Variants in STIM2 observed in about 807,000 individuals in gnomAD.
The protein encoded by STIM2 is stromal interaction molecule 2.
STIM2 carries 31 observed loss-of-function variants against 85.8 expected under a neutral mutation model. The ratio of observed to expected loss-of-function variants is 0.36; its 90% CI spans 0.27 to 0.49. The LOEUF is 0.49. Among genes scored for constraint, STIM2 ranks in the 20% least tolerant of loss-of-function variants. The pLI is 0.98. For missense variants in STIM2, 841 were observed against 927.6 expected (o/e 0.91, Z 1.21); for synonymous variants, 356 against 331.1 (o/e 1.08, Z -0.82).
intron 2 of STIM2, among the ~76,000 whole-genome samples, chr4:26,953,595 A>C (rs1726133542): frequency 6.6e-6 from 1 of 152,086 alleles, no homozygotes; most frequent in Admixed American, 6.6e-5. Context: ...TAAAAATAGA[A>C]GGGGAAACAG....
intron 3 of STIM2, among the ~76,000 whole-genome samples, chr4:26,980,415 C>A (rs1338086254): frequency 6.6e-6 from 1 of 151,452 alleles, no homozygotes; most frequent in Non-Finnish European, 1.5e-5. Flanking sequence ...CACTGTTAGA[C>A]CAGAGTAAGT....
chr4:27,011,867 T>C (rs1728569062), intron 10 of STIM2, among the ~76,000 whole-genome samples: 1 of 152,186 alleles, frequency 6.6e-6, no homozygotes, highest in Non-Finnish European at 1.5e-5. Context: ...AAACTTTGGC[T>C]TTTTGAATGG....
Position 26,860,937 on chromosome 4 carries a change from T to G in STIM2, c.-282T>G. 2 of 1,169,912 alleles carry G rather than the reference T, an allele frequency of 1.7e-6. No individual in the cohort carries two copies. Among genetic ancestry groups the G allele is most frequent in the South Asian group, 3.3e-5 (2 of 60,508 alleles). 72.5% of individuals were successfully genotyped at this position (1,169,912 alleles called of 1,614,324 possible). On this transcript the variant is annotated 5_prime_UTR_variant, in exon 1 of 12. Coordinates refer to ENST00000467087, the MANE Select transcript of STIM2 (RefSeq NM_020860.4). ...TCTACCCCCCACCTTTTTTTTTTTT[T>G]TTTTTAAATAACCGGAACCAATGAA...
chr4:26,920,876 A>G (rs890250578), intron 2 of STIM2, among the ~76,000 whole-genome samples: 1 of 152,120 alleles, frequency 6.6e-6, no homozygotes, highest in African/African-American at 2.4e-5. Flanking sequence ...GCACCTCTGG[A>G]CCTATTTCTC....
chr4:26,886,694 A>G lies in STIM2; in HGVS notation c.151+25325A>G, dbSNP rs553285030. ...ATAGATCAGAGAGGTTGTCTGGGCT[A>G]GAATGTACAGTCTTGTAGACATCAT... On this transcript the variant is annotated intron_variant, in intron 1 of 11. Transcript: ENST00000467087. Among the ~76,000 whole-genome samples, 4 of 152,282 alleles carry G rather than the reference A, an allele frequency of 2.6e-5. No individual in the cohort carries two copies. In the East Asian group the frequency reaches 7.7e-4, roughly 29 times the overall value.
chr4:26,862,437 A>G (rs1722252997), intron 1 of STIM2, among the ~76,000 whole-genome samples: 1 of 152,182 alleles, frequency 6.6e-6, no homozygotes, highest in Non-Finnish European at 1.5e-5. Context: ...TAATTTAACC[A>G]AAATGATAGT....
Position 26,919,560 on chromosome 4 carries a change from G to A in STIM2, c.208G>A (p.Glu70Lys), listed in dbSNP as rs1724722123. Residue 70 changes from glutamate to lysine, a missense_variant, in exon 2 of 12, where the codon GAA becomes AAA. Glu to Lys is a moderately conservative substitution (Grantham distance 56). Coordinates refer to ENST00000467087, the MANE Select transcript of STIM2 (RefSeq NM_020860.4). ...TACAGAAGAAGACAGATTTAGTCTGGAAGCTCTTCAAACAATACATAAACA... is the reference window on the plus strand; with the variant it reads ...TACAGAAGAAGACAGATTTAGTCTGAAAGCTCTTCAAACAATACATAAACA... The A allele has an allele frequency of 6.2e-6, 10 of 1,613,544 alleles. No individual in the cohort carries two copies. Among genetic ancestry groups the A allele is most frequent in the Non-Finnish European group, 8.5e-6 (10 of 1,179,752 alleles).
intron 1 of STIM2, among the ~76,000 whole-genome samples, chr4:26,905,395 AAG>A (rs1181932497): frequency 1.3e-5 from 2 of 152,200 alleles, no homozygotes; most frequent in Non-Finnish European, 2.9e-5. Flanking sequence ...GAAAGGAAGC[AAG>A]AGAGGACATC....
intron 11 of STIM2, chr4:27,019,520 C>T (rs1378301295): frequency 2.4e-6 from 3 of 1,271,916 alleles, no homozygotes; most frequent in Non-Finnish European, 3.1e-6. Flanking sequence ...ATTGATGGAA[C>T]GTTCAGTTCT....
At chr4:26,989,338 A>G (rs1727684305) in intron 3 of STIM2, among the ~76,000 whole-genome samples, 1 of 152,252 alleles carries the variant, frequency 6.6e-6, no homozygotes, top group Admixed American at 6.5e-5. Flanking sequence ...GCTACCTCAC[A>G]TCAATAGAAT....
At chr4:26,971,462 A>G (rs749258244) in intron 3 of STIM2, among the ~76,000 whole-genome samples, 17 of 152,122 alleles carry the variant, frequency 1.1e-4, no homozygotes, top group East Asian at 1.9e-4. Context: ...TTCTACATAT[A>G]GCTAGCCAGT....
Position 27,008,674 on chromosome 4 carries a change from T to C in STIM2, c.1251-90T>C. 3 of 1,273,106 alleles carry C rather than the reference T, an allele frequency of 2.4e-6. No homozygotes were observed. The East Asian group carries it at 7.0e-5, about 30-fold the overall frequency. The allele number at this position is 1,273,106 out of a possible 1,614,324, so 78.9% of individuals were successfully genotyped here. ...GTTATTTCTTCTTGAAATTAGTTAA[T>C]TGCCATGGTCTGTTCATGTATTGCC... On this transcript the variant is annotated intron_variant, in intron 9 of 11. Transcript: ENST00000467087.
chr4:27,007,583 T>C lies in STIM2; in HGVS notation c.1032T>C (p.Ser344=), dbSNP rs1264346746. The change falls in exon 8 of 12, where the codon AGT becomes AGC. Residue 344 remains serine (S), a synonymous_variant. Coordinates refer to ENST00000467087, the MANE Select transcript of STIM2 (RefSeq NM_020860.4). ...AAAAAGAATTTGAACTGAGAAGCAG[T>C]TGGTCTGTTCCAGATGCACTTCAGA... 4 of 1,593,668 alleles carry C rather than the reference T, an allele frequency of 2.5e-6. No homozygotes were observed. Among genetic ancestry groups the C allele is most frequent in the Middle Eastern group, 3.3e-4 (2 of 5,992 alleles).
At chr4:27,007,863 TTTAA>T in intron 8 of STIM2, 163 bp downstream of exon 8, 1 of 791,152 alleles carries the variant, frequency 1.3e-6, no homozygotes, top group Non-Finnish European at 2.0e-6. Flanking sequence ...AATCATAAGC[TTTAA>T]ATTAAAATTA....
chr4:26,984,019 A>G (rs2871256), intron 3 of STIM2, among the ~76,000 whole-genome samples: 52,497 of 152,050 alleles, frequency 0.35, 9,350 homozygotes, highest in African/African-American at 0.43. Context: ...CTATAATTGA[A>G]ATGTTTCTTT....
At chr4:26,952,667 A>G (rs1726102266) in intron 2 of STIM2, among the ~76,000 whole-genome samples, 3 of 152,090 alleles carry the variant, frequency 2.0e-5, no homozygotes, top group African/African-American at 7.2e-5. Context: ...TGTGCTCTCA[A>G]ACACTGTGCT....
chr4:27,007,392 A>C lies in STIM2; in HGVS notation c.982-141A>C, dbSNP rs1274264449. On this transcript the variant is annotated intron_variant, in intron 7 of 11. Coordinates refer to ENST00000467087, the MANE Select transcript of STIM2 (RefSeq NM_020860.4). Reference sequence around the variant, plus strand: ...TTAATGCTAGAAATCTACTGTATTTAGACTTTGCAGTTTAAAACGATGTTT... The same window carrying C: ...TTAATGCTAGAAATCTACTGTATTTCGACTTTGCAGTTTAAAACGATGTTT... 8.0e-6 allele frequency: 4 copies of C among 500,304 alleles called. No individual in the cohort carries two copies. The Admixed American group carries it at 1.6e-4, about 20-fold the overall frequency. The allele number at this position is 500,304 out of a possible 1,614,324, so 31.0% of individuals were successfully genotyped here.
At chr4:26,889,197 A>C (rs762138798) in intron 1 of STIM2, among the ~76,000 whole-genome samples, 1 of 152,200 alleles carries the variant, frequency 6.6e-6, no homozygotes, top group Non-Finnish European at 1.5e-5. Context: ...ATAGCACCAT[A>C]CATTGGATGC....
At chr4:26,988,500 C>T (rs909665951) in intron 3 of STIM2, among the ~76,000 whole-genome samples, 5 of 152,132 alleles carry the variant, frequency 3.3e-5, no homozygotes, top group Non-Finnish European at 5.9e-5. Context: ...ATGACTAGAC[C>T]ATAAACTATC....
Sources: gnomAD v4.1 joint callset for allele counts (sites outside exome capture counted in the v4.1 genomes callset) on GRCh38, gnomAD v4.1.1 for gene constraint, MANE v1.5 for transcripts, NCBI Gene and HGNC (gene_info 2026-07-23, HGNC 2026-07-21) for gene names.